Variants in PCM1 observed in about 807,000 individuals in gnomAD.
PCM1 encodes the protein pericentriolar material 1 protein.
Under a neutral mutation model 241.9 loss-of-function variants are expected in PCM1, and 157 were observed. The observed-to-expected ratio is 0.65, with a 90% confidence interval of 0.57 to 0.74. The LOEUF (loss-of-function observed/expected upper bound fraction) is 0.74. Among genes scored for constraint, PCM1 ranks in the 30% least tolerant of loss-of-function variants. The pLI, the probability that PCM1 is intolerant of heterozygous loss-of-function variation, is 0.00. For missense variants in PCM1, 3,478 were observed against 2,360.1 expected (o/e 1.47, Z -9.81); for synonymous variants, 1,085 against 784.9 (o/e 1.38, Z -6.39).
intron 8 of PCM1, among the ~76,000 whole-genome samples, chr8:17,951,908 CA>C (rs541349370): frequency 6.1e-4 from 92 of 152,044 alleles, no homozygotes; most frequent in African/African-American, 1.9e-3. Flanking sequence ...TGGATTCTTG[CA>C]AAGTTTCATA....
In PCM1 at chr8:18,029,571, T is replaced by C. The variant is rs1193057903; in HGVS notation, c.*1909T>C. On this transcript the variant is annotated 3_prime_UTR_variant, in exon 39 of 39. Transcript: ENST00000325083. ...ATTACCATAGTACCTATGAACCTTATCAAAATTGCTTATTTGACTGGTGTT... is the reference window on the plus strand; with the variant it reads ...ATTACCATAGTACCTATGAACCTTACCAAAATTGCTTATTTGACTGGTGTT... 2 of 171,274 alleles carry C rather than the reference T, an allele frequency of 1.2e-5. No homozygotes were observed. Among genetic ancestry groups the C allele is most frequent in the Admixed American group, 1.4e-4 (2 of 14,374 alleles). The allele number at this position is 171,274 out of a possible 1,614,324, so 10.6% of individuals were successfully genotyped here.
At chr8:17,932,409 A>T (rs2059306068) in intron 2 of PCM1, among the ~76,000 whole-genome samples, 1 of 152,158 alleles carries the variant, frequency 6.6e-6, no homozygotes, top group Admixed American at 6.6e-5. Context: ...GTGTCTGAGA[A>T]TTCCATTTTC....
At chr8:17,939,372 T>TA (rs1435684635) in intron 5 of PCM1, among the ~76,000 whole-genome samples, 1 of 114,602 alleles carries the variant, frequency 8.7e-6, no homozygotes, top group Admixed American at 8.5e-5. Flanking sequence ...ATTTAATTAA[T>TA]TTATAAACAT....
At position 17,933,158 on chromosome 8, in the gene PCM1, G is replaced by A. The variant is rs559863119; in HGVS notation, c.-22-2431G>A. ...GTGAGGCTTTAATGACATAATGGACGTGAAATATTTTAGCATGGTGTTTGG... is the reference window on the plus strand; with the variant it reads ...GTGAGGCTTTAATGACATAATGGACATGAAATATTTTAGCATGGTGTTTGG... On this transcript the variant is annotated intron_variant, in intron 2 of 38. Transcript: ENST00000325083. Among the ~76,000 whole-genome samples, 5 of 152,288 alleles carry A rather than the reference G, an allele frequency of 3.3e-5. No homozygotes were observed. In the East Asian group the frequency reaches 7.7e-4, roughly 23 times the overall value.
At position 17,964,780 on chromosome 8, in the gene PCM1, T is replaced by C. The variant is rs201158623; in HGVS notation, c.2855+12T>C. 96 of 1,600,582 alleles carry C rather than the reference T, an allele frequency of 6.0e-5. No homozygotes were observed. The African/African-American group carries it at 1.3e-3, about 21-fold the overall frequency. ...GAAACTAAAAATAGGTTAGTTTCAG[T>C]ATTTTAATTTTGTGCTTAATTTAAG... On this transcript the variant is annotated intron_variant, in intron 18 of 38. Transcript: ENST00000325083.
At chr8:18,019,612 TAG>T (rs1048306776) in intron 36 of PCM1, among the ~76,000 whole-genome samples, 14 of 152,180 alleles carry the variant, frequency 9.2e-5, no homozygotes, top group African/African-American at 3.1e-4. Flanking sequence ...GCACGCAACC[TAG>T]ATCTCTGGCA....
intron 8 of PCM1, among the ~76,000 whole-genome samples, chr8:17,951,762 A>G (rs944303790): frequency 1.3e-5 from 2 of 152,158 alleles, no homozygotes; most frequent in Non-Finnish European, 2.9e-5. Context: ...ATGACATTGG[A>G]AAGGGTACAA....
rs1421636128 is a variant in PCM1 at position 17,963,120 on chromosome 8, G to C, written c.2483G>C (p.Arg828Thr). 1.9e-6 allele frequency: 3 copies of C among 1,610,744 alleles called. No homozygotes were observed. The East Asian group carries it at 6.7e-5, about 36-fold the overall frequency. Residue 828 changes from arginine to threonine, a missense_variant, in exon 17 of 39, where the codon AGA (arginine) becomes ACA (threonine). Physicochemically the swap from Arg to Thr is moderately conservative, Grantham distance 71. Coordinates refer to ENST00000325083, the MANE Select transcript of PCM1 (RefSeq NM_006197.4). ...VDNELWSEMR[R>T]HEMLREELRQ... ...AAATAGTTGTGGTCAGAAATGAGAA[G>C]ACATGAAATGTTGAGGGAGGAGCTG...
intron 8 of PCM1, among the ~76,000 whole-genome samples, chr8:17,951,417 C>T (rs2065963582): frequency 6.6e-6 from 1 of 152,134 alleles, no homozygotes; most frequent in African/African-American, 2.4e-5. Context: ...GACCTGGGGC[C>T]TACTTTAGAG....
intron 24 of PCM1, 49 bp downstream of exon 24, chr8:17,980,804 A>G (rs2080456412): frequency 7.0e-7 from 1 of 1,425,378 alleles, no homozygotes; most frequent in East Asian, 2.3e-5. Flanking sequence ...TTCAGCTTAG[A>G]TTTGAAAAGC....
rs778242083 is a variant in PCM1 at position 17,953,012 on chromosome 8, T to G, written c.1114T>G (p.Ser372Ala). The G allele has an allele frequency of 1.2e-5, 19 of 1,607,654 alleles. No homozygotes were observed. In the South Asian group the frequency reaches 1.9e-4, roughly 16 times the overall value. Reference sequence around the variant, plus strand: ...CAATAGAAGACAGGCAGAAAGTCTTTCATTAACTAGGGAGGTTTCCCAGAG... The same window carrying G: ...CAATAGAAGACAGGCAGAAAGTCTTGCATTAACTAGGGAGGTTTCCCAGAG... ...PDNRRQAESL[S>A]LTREVSQSRK... The change falls in exon 9 of 39, where the codon TCA becomes GCA. Residue 372 changes from serine to alanine, a missense_variant. Transcript: ENST00000325083.
intron 21 of PCM1, among the ~76,000 whole-genome samples, chr8:17,968,109 C>T (rs73571771): frequency 0.034 from 5,186 of 151,242 alleles, 301 homozygotes; most frequent in African/African-American, 0.12. Flanking sequence ...GAATTTATTT[C>T]CAGAGAGATT....
chr8:17,936,940 G>C (rs551784858), intron 3 of PCM1, among the ~76,000 whole-genome samples, 194 bp from the exon 4 acceptor site: 1 of 152,242 alleles, frequency 6.6e-6, no homozygotes, highest in South Asian at 2.1e-4. Flanking sequence ...AGAAGGATGG[G>C]CTATAAAATT....
chr8:17,937,071 A>G, intron 3 of PCM1, 63 bp from the exon 4 acceptor site: 5 of 1,306,160 alleles, frequency 3.8e-6, no homozygotes, highest in Non-Finnish European at 5.2e-6. Flanking sequence ...CTTTTTAATT[A>G]TACCAATCTA....
intron 29 of PCM1, among the ~76,000 whole-genome samples, chr8:17,996,430 C>T (rs759298456): frequency 1.3e-4 from 19 of 151,918 alleles, no homozygotes; most frequent in Non-Finnish European, 2.2e-4. Context: ...TGTTGAATTC[C>T]GAGGTATCGG....
intron 7 of PCM1, among the ~76,000 whole-genome samples, chr8:17,948,207 T>C (rs1181672042): frequency 6.6e-6 from 1 of 151,510 alleles, no homozygotes; most frequent in Non-Finnish European, 1.5e-5. Context: ...TGTCCAAACC[T>C]AGCCCACTGG....
intron 31 of PCM1, among the ~76,000 whole-genome samples, chr8:18,010,302 A>G (rs189633972): frequency 6.6e-6 from 1 of 152,100 alleles, no homozygotes; most frequent in African/African-American, 2.4e-5. Context: ...ACCCTCTTTT[A>G]TGAGAAGGAA....
chr8:17,951,617 A>C (rs908656230), intron 8 of PCM1, among the ~76,000 whole-genome samples: 1 of 152,226 alleles, frequency 6.6e-6, no homozygotes, highest in East Asian at 1.9e-4. Flanking sequence ...ATTCAAGTTT[A>C]AGAAGGATCC....
chr8:17,968,612 G>C (rs1431179056), intron 21 of PCM1, among the ~76,000 whole-genome samples: 1 of 151,822 alleles, frequency 6.6e-6, no homozygotes, highest in African/African-American at 2.4e-5. Context: ...GAGAAAAAAG[G>C]TTGAGAGGGC....
Sources: gnomAD v4.1 joint callset for allele counts (sites outside exome capture counted in the v4.1 genomes callset) on GRCh38, gnomAD v4.1.1 for gene constraint, MANE v1.5 for transcripts, NCBI Gene and HGNC (gene_info 2026-07-23, HGNC 2026-07-21) for gene names.